Variants in TNKS observed in about 807,000 individuals in gnomAD.
TNKS encodes the protein tankyrase.
A neutral mutation model predicts 135.8 loss-of-function variants in TNKS; 72 were observed. That is an observed-to-expected ratio of 0.53 (90% CI 0.44 to 0.64). The LOEUF is 0.64. Among genes scored for constraint, TNKS ranks in the 30% least tolerant of loss-of-function variants. TNKS has a pLI of 0.00. For synonymous variants in TNKS, 849 were observed against 649.3 expected, an observed-to-expected ratio of 1.31 and a Z score of -4.68; for missense variants, 1,769 against 1,674.0, an observed-to-expected ratio of 1.06 and a Z score of -0.99.
chr8:9,741,903 C>G, intron 17 of TNKS: 1 of 232,784 alleles, frequency 4.3e-6, no homozygotes, highest in South Asian at 5.7e-5. Context: ...CATAACTCCC[C>G]TTCTCCTTTT....
At position 9,766,380 on chromosome 8, in the gene TNKS, C is replaced by T. The variant is rs1807446475; in HGVS notation, c.3695C>T (p.Thr1232Ile). Residue 1232 changes from threonine (T) to isoleucine (I), a missense_variant, in exon 25 of 27, where the codon ACA (threonine) becomes ATA (isoleucine). This residue lies in a region of TNKS where 722 missense variants were observed against 688.9 expected (regional missense o/e 1.05). Coordinates refer to ENST00000310430, the MANE Select transcript of TNKS (RefSeq NM_003747.3). ...TATGTTTATGGAATTGGAGGAGGAA[C>T]AGGCTGCCCTACACACAAGGACAGG... ...NQYVYGIGGG[T>I]GCPTHKDRSC... 6.2e-7 allele frequency: 1 copy of T among 1,613,350 alleles called. No individual in the cohort carries two copies. Among genetic ancestry groups the T allele is most frequent in the Non-Finnish European group, 8.5e-7 (1 of 1,179,668 alleles).
At chr8:9,563,022 A>C (rs1247593608) in intron 1 of TNKS, among the ~76,000 whole-genome samples, 1 of 151,864 alleles carries the variant, frequency 6.6e-6, no homozygotes, top group African/African-American at 2.4e-5. Flanking sequence ...TTTTCTTTTT[A>C]TGTATATTGA....
In TNKS at chr8:9,764,778, C is replaced by T. The variant is rs759857453; in HGVS notation, c.3435C>T (p.Tyr1145=). 6.3e-7 allele frequency: 1 copy of T among 1,591,648 alleles called. No homozygotes were observed. Among genetic ancestry groups the T allele is most frequent in the Admixed American group, 1.8e-5 (1 of 56,244 alleles). ...ATGCTGGCGGCATCTTCAACAGATACAATGTCATTCGAGTAAGTTTTTAAA... is the reference window on the plus strand; with the variant it reads ...ATGCTGGCGGCATCTTCAACAGATATAATGTCATTCGAGTAAGTTTTTAAA... The part of the protein sequence containing the change: ...GGNAGGIFNR[Y]NVIRIQKVVN... Residue 1145 remains tyrosine (Y), a synonymous_variant, in exon 23 of 27, where the codon TAC becomes TAT. Coordinates refer to ENST00000310430, the MANE Select transcript of TNKS (RefSeq NM_003747.3).
At chr8:9,594,291 A>T (rs1798693504) in intron 2 of TNKS, among the ~76,000 whole-genome samples, 1 of 152,252 alleles carries the variant, frequency 6.6e-6, no homozygotes, top group Non-Finnish European at 1.5e-5. Context: ...GAAAAATGAG[A>T]AAATATACTG....
intron 20 of TNKS, among the ~76,000 whole-genome samples, chr8:9,755,864 C>T (rs1003158589): frequency 6.6e-6 from 1 of 152,142 alleles, no homozygotes; most frequent in South Asian, 2.1e-4. Flanking sequence ...ATAGCCTCAC[C>T]TCCTATCTTC....
rs144122005 is a variant in TNKS at position 9,763,994 on chromosome 8, G to A, written c.3373-722G>A. On this transcript the variant is annotated intron_variant, in intron 22 of 26. Transcript: ENST00000310430. ...CCCAGGGCTGTATTTCAGCTCATAC[G>A]TAGCGCATCAGGAAGGCATCATGGG... Among the ~76,000 whole-genome samples, 472 of 152,214 alleles carry A rather than the reference G, an allele frequency of 3.1e-3. 3 individuals are homozygous for A. Among genetic ancestry groups the A allele is most frequent in the African/African-American group, 0.01 (432 of 41,526 alleles).
chr8:9,651,468 C>T (rs541079419), intron 3 of TNKS, among the ~76,000 whole-genome samples: 5 of 152,294 alleles, frequency 3.3e-5, no homozygotes, highest in African/African-American at 7.2e-5. Flanking sequence ...AGGGAGGACA[C>T]ACCCAGAAGA....
intron 2 of TNKS, among the ~76,000 whole-genome samples, chr8:9,611,066 G>A (rs1010352486): frequency 6.6e-6 from 1 of 152,176 alleles, no homozygotes; most frequent in Non-Finnish European, 1.5e-5. Flanking sequence ...TGTCCTTCTT[G>A]ACATAGCTCA....
intron 15 of TNKS, among the ~76,000 whole-genome samples, chr8:9,734,213 C>G (rs1399602809): frequency 1.3e-5 from 2 of 152,128 alleles, no homozygotes; most frequent in Non-Finnish European, 2.9e-5. Context: ...AATCCATTGT[C>G]CACCTTGACT....
At chr8:9,755,896 TCTAAA>T (rs897281097) in intron 20 of TNKS, among the ~76,000 whole-genome samples, 3 of 152,344 alleles carry the variant, frequency 2.0e-5, no homozygotes, top group African/African-American at 7.2e-5. Flanking sequence ...CTTGGAAGTC[TCTAAA>T]CTAAATTGTC....
At chr8:9,598,237 C>T (rs1274231185) in intron 2 of TNKS, among the ~76,000 whole-genome samples, 4 of 151,872 alleles carry the variant, frequency 2.6e-5, no homozygotes, top group African/African-American at 7.3e-5. Context: ...TTAGTAGAGA[C>T]GGGGTTTCAC....
chr8:9,751,557 C>G, intron 18 of TNKS, 52 bp from the exon 19 acceptor site: 1 of 1,518,974 alleles, frequency 6.6e-7, no homozygotes, highest in Non-Finnish European at 9.0e-7. Context: ...GAAAAACTTA[C>G]CATTTTAATA....
At chr8:9,728,493 C>G (rs1391490709) in intron 13 of TNKS, among the ~76,000 whole-genome samples, 1 of 152,144 alleles carries the variant, frequency 6.6e-6, no homozygotes, top group Non-Finnish European at 1.5e-5. Context: ...CATTCCCTAC[C>G]TATTCCTATT....
At chr8:9,562,140 G>C (rs750433033) in intron 1 of TNKS, among the ~76,000 whole-genome samples, 16 of 151,832 alleles carry the variant, frequency 1.1e-4, no homozygotes, top group Non-Finnish European at 1.8e-4. Context: ...ATGAAGTTTT[G>C]TCCTTTTTTT....
chr8:9,610,040 A>G (rs7460484), intron 2 of TNKS, among the ~76,000 whole-genome samples: 129,162 of 151,734 alleles, frequency 0.85, 55,497 homozygotes, highest in African/African-American at 0.96. Flanking sequence ...TGTATTTTTA[A>G]TAGAGATGGG....
intron 5 of TNKS, among the ~76,000 whole-genome samples, chr8:9,703,607 A>G (rs1563178367): frequency 6.6e-6 from 1 of 152,202 alleles, no homozygotes; most frequent in Non-Finnish European, 1.5e-5. Flanking sequence ...TTAGAGACTG[A>G]CAGAATATGT....
chr8:9,743,833 C>G (rs1178443552), intron 17 of TNKS, among the ~76,000 whole-genome samples: 1 of 152,200 alleles, frequency 6.6e-6, no homozygotes, highest in African/African-American at 2.4e-5. Context: ...CTGCATGTCA[C>G]TCCTACATTT....
chr8:9,728,892 A>T (rs1484945347), intron 13 of TNKS, among the ~76,000 whole-genome samples: 1 of 152,160 alleles, frequency 6.6e-6, no homozygotes, highest in Non-Finnish European at 1.5e-5. Flanking sequence ...GCTTGTTTTT[A>T]TCCTACCTGT....
Position 9,624,393 on chromosome 8 carries a change from T to C in TNKS, c.994+8716T>C, listed in dbSNP as rs151129448. On this transcript the variant is annotated intron_variant, in intron 3 of 26. Coordinates refer to ENST00000310430, the MANE Select transcript of TNKS (RefSeq NM_003747.3). ...AATGCTTTGCTATTGTAATGGTTACTAGCTCTGTTCTTCAAGATTTTTATT... is the reference window on the plus strand; with the variant it reads ...AATGCTTTGCTATTGTAATGGTTACCAGCTCTGTTCTTCAAGATTTTTATT... Among the ~76,000 whole-genome samples, 470 of 152,370 alleles carry C rather than the reference T, an allele frequency of 3.1e-3. 4 individuals carry two copies. Among genetic ancestry groups the C allele is most frequent in the African/African-American group, 0.011 (438 of 41,590 alleles).
Sources: allele counts gnomAD v4.1 joint callset (sites outside exome capture counted in the v4.1 genomes callset), GRCh38; gene constraint gnomAD v4.1.1; regional missense constraint gnomAD v4.1.1; transcripts MANE v1.5; gene names NCBI Gene and HGNC (gene_info 2026-07-23, HGNC 2026-07-21).